Variants in CTNNA2 observed in about 807,000 individuals in gnomAD.
CTNNA2 encodes catenin alpha 2, also known as catenin alpha-2.
Under a neutral mutation model 101.0 loss-of-function variants are expected in CTNNA2, and 42 were observed. The ratio of observed to expected loss-of-function variants is 0.42; its 90% CI spans 0.32 to 0.54. CTNNA2 has a LOEUF of 0.54. CTNNA2 is among the 20% of genes least tolerant of loss of function. The probability of loss-of-function intolerance (pLI) is 0.14; values close to 1 mark genes in which losing one functional copy is unlikely to be tolerated. For synonymous variants in CTNNA2, 450 were observed against 456.4 expected, an observed-to-expected ratio of 0.99 and a Z score of 0.18; for missense variants, 871 against 1,223.1, an observed-to-expected ratio of 0.71 and a Z score of 4.29.
chr2:80,164,359 C>G (rs931611517), intron 7 of CTNNA2, among the ~76,000 whole-genome samples: 1 of 152,052 alleles, frequency 6.6e-6, no homozygotes, highest in Admixed American at 6.5e-5. Context: ...ACATTCTTTA[C>G]ACATAAATTA....
intron 7 of CTNNA2, among the ~76,000 whole-genome samples, chr2:79,936,280 A>G (rs1432460786): frequency 6.9e-6 from 1 of 144,830 alleles, no homozygotes; most frequent in Non-Finnish European, 1.5e-5. Flanking sequence ...CACCCAGAGA[A>G]TTTTCAGTGG....
At chr2:80,490,048 T>A (rs946543315) in intron 9 of CTNNA2, among the ~76,000 whole-genome samples, 1 of 152,178 alleles carries the variant, frequency 6.6e-6, no homozygotes, top group Admixed American at 6.6e-5. Flanking sequence ...AAAACAGTTA[T>A]ATGAATATCA....
intron 2 of CTNNA2, among the ~76,000 whole-genome samples, chr2:79,741,137 A>G (rs1671261490): frequency 6.6e-6 from 1 of 152,314 alleles, no homozygotes; most frequent in South Asian, 2.1e-4. Flanking sequence ...TAGGCTGAGA[A>G]TTCCCAAGAG....
At chr2:79,965,859 G>GAAAGA (rs371915632) in intron 7 of CTNNA2, among the ~76,000 whole-genome samples, 1 of 136,804 alleles carries the variant, frequency 7.3e-6, no homozygotes, top group East Asian at 2.1e-4. Flanking sequence ...AAGAAGAAAA[G>GAAAGA]AAAGAAAAGA....
At chr2:79,393,396 G>A (rs1678195187) in intron 4 of CTNNA2, among the ~76,000 whole-genome samples, 1 of 152,142 alleles carries the variant, frequency 6.6e-6, no homozygotes, top group Non-Finnish European at 1.5e-5. Context: ...TATACATAAA[G>A]TATGATTCGA....
At chr2:80,354,711 GA>G (rs1173273946) in intron 7 of CTNNA2, among the ~76,000 whole-genome samples, 1 of 151,962 alleles carries the variant, frequency 6.6e-6, no homozygotes, top group African/African-American at 2.4e-5. Context: ...GCATGTGGGA[GA>G]TTTTTTTTCT....
chr2:79,314,683 T>C (rs923100850), intron 3 of CTNNA2, among the ~76,000 whole-genome samples: 1 of 152,200 alleles, frequency 6.6e-6, no homozygotes, highest in Non-Finnish European at 1.5e-5. Flanking sequence ...CAGAGATAGA[T>C]AGGAATTGTT....
intron 3 of CTNNA2, among the ~76,000 whole-genome samples, chr2:79,328,246 A>G (rs1198734278): frequency 6.6e-6 from 1 of 152,154 alleles, no homozygotes; most frequent in African/African-American, 2.4e-5. Context: ...AGCCTGTAGG[A>G]TCTCAGAGAA....
intron 3 of CTNNA2, among the ~76,000 whole-genome samples, chr2:79,320,567 A>C (rs1026686704): frequency 2.0e-5 from 3 of 152,210 alleles, no homozygotes; most frequent in African/African-American, 7.2e-5. Context: ...GACAGAAAGT[A>C]AAGTTCTGCC....
chr2:80,054,236 A>G (rs1442924313), intron 7 of CTNNA2, among the ~76,000 whole-genome samples: 1 of 152,018 alleles, frequency 6.6e-6, no homozygotes, highest in Non-Finnish European at 1.5e-5. Context: ...CTAGGGAGCC[A>G]TTTACTTAAT....
Position 80,046,289 on chromosome 2 carries a change from C to T in CTNNA2, c.1056+136492C>T, listed in dbSNP as rs137944669. 1.8e-4 allele frequency among the ~76,000 whole-genome samples: 27 copies of T among 152,254 alleles called. No individual in the cohort carries two copies. In the East Asian group the frequency reaches 5.2e-3, roughly 29 times the overall value. On this transcript the variant is annotated intron_variant, in intron 7 of 18. Transcript: ENST00000402739. Reference sequence around the variant, plus strand: ...CTGGAAAATTCTCTGGTCACCAGCCCAAGAGAGGTTAAATGCCCAAAAATG... The same window carrying T: ...CTGGAAAATTCTCTGGTCACCAGCCTAAGAGAGGTTAAATGCCCAAAAATG...
chr2:79,766,761 T>A (rs1673187029), intron 3 of CTNNA2, among the ~76,000 whole-genome samples: 1 of 142,298 alleles, frequency 7.0e-6, no homozygotes, highest in African/African-American at 2.7e-5. Context: ...ATTTTCTTTT[T>A]TCTTTTTTTT....
At chr2:80,545,125 C>A in intron 10 of CTNNA2, 51 bp downstream of exon 10, 1 of 1,555,434 alleles carries the variant, frequency 6.4e-7, no homozygotes, top group Non-Finnish European at 8.8e-7. Flanking sequence ...CTTCTCCACT[C>A]CAGCCCTTGT....
At chr2:80,198,343 CAA>C (rs1390974994) in intron 7 of CTNNA2, among the ~76,000 whole-genome samples, 4 of 152,078 alleles carry the variant, frequency 2.6e-5, no homozygotes, top group Admixed American at 2.0e-4. Flanking sequence ...AGATTGCTTT[CAA>C]AGTGATTAAA....
At chr2:79,981,131 C>T (rs937987734) in intron 7 of CTNNA2, among the ~76,000 whole-genome samples, 1 of 151,996 alleles carries the variant, frequency 6.6e-6, no homozygotes, top group Admixed American at 6.6e-5. Context: ...TTTGAAAGAG[C>T]TTGAGTTGCA....
At chr2:80,096,997 C>T (rs1380164643) in intron 7 of CTNNA2, among the ~76,000 whole-genome samples, 14 of 152,096 alleles carry the variant, frequency 9.2e-5, no homozygotes, top group Non-Finnish European at 1.8e-4. Flanking sequence ...GAGCATTTAG[C>T]CCATTTACAT....
intron 2 of CTNNA2, among the ~76,000 whole-genome samples, chr2:79,268,464 T>C (rs748991819): frequency 6.6e-6 from 1 of 152,118 alleles, no homozygotes; most frequent in East Asian, 1.9e-4. Context: ...TAGTAAGCCA[T>C]ACAATGTAAA....
At chr2:79,323,496 G>C (rs1426542183) in intron 3 of CTNNA2, among the ~76,000 whole-genome samples, 3 of 151,914 alleles carry the variant, frequency 2.0e-5, no homozygotes, top group Non-Finnish European at 4.4e-5. Flanking sequence ...GACACTGTGG[G>C]TCCCATACTC....
At chr2:79,847,485 A>G (rs2916513) in intron 3 of CTNNA2, among the ~76,000 whole-genome samples, 146,109 of 147,662 alleles carry the variant, frequency 0.99, 72,285 homozygotes, top group East Asian at 1. Flanking sequence ...GAAGGTTGTA[A>G]TGAGCTGAGA....
Sources: gnomAD v4.1 joint callset for allele counts (sites outside exome capture counted in the v4.1 genomes callset) on GRCh38, gnomAD v4.1.1 for gene constraint, MANE v1.5 for transcripts, NCBI Gene and HGNC (gene_info 2026-07-23, HGNC 2026-07-21) for gene names.